The following TFB1M variants were observed in gnomAD, a reference collection of about 807,000 sequenced individuals.
The protein encoded by TFB1M is dimethyladenosine transferase 1, mitochondrial.
A neutral mutation model predicts 31.1 loss-of-function variants in TFB1M; 27 were observed. The ratio of observed to expected loss-of-function variants is 0.87; its 90% confidence interval spans 0.64 to 1.20. The LOEUF (loss-of-function observed/expected upper bound fraction) is 1.20, where lower values mean the gene tolerates loss of function less well. Among genes scored for constraint, TFB1M ranks in the 50% most tolerant of loss-of-function variants. The probability of loss-of-function intolerance (pLI) is 0.00; values close to 1 mark genes in which losing one functional copy is unlikely to be tolerated. For missense variants in TFB1M, 394 were observed against 418.7 expected (o/e 0.94, Z 0.51); for synonymous variants, 166 against 151.8 (o/e 1.09, Z -0.69).
chr6:155,256,901 G>C lies in TFB1M; in HGVS notation c.*935C>G. On this transcript the variant is annotated 3_prime_UTR_variant, in exon 7 of 7. Transcript: ENST00000367166. ...GGAGGAGAGCAGCCCAAACTGGTCC[G>C]GGGGCACTTCTGCCCCATTAAACGA... 2.5e-6 allele frequency: 4 copies of C among 1,614,152 alleles called. No homozygotes were observed. The highest frequency in any genetic ancestry group is 1.1e-5 in the South Asian group (1 of 91,076).
chr6:155,243,741 G>A, the TFB1M span, among the ~76,000 whole-genome samples: 1 of 150,970 alleles, frequency 6.6e-6, no homozygotes, highest in East Asian at 2.0e-4. Context: ...CAGCTATGTG[G>A]GAGGCTGAGG....
chr6:155,288,469 T>A, intron 4 of TFB1M, among the ~76,000 whole-genome samples: 1 of 152,166 alleles, frequency 6.6e-6, no homozygotes, highest in Non-Finnish European at 1.5e-5. Flanking sequence ...TAGTTCTTCA[T>A]AAAGTAAAAA....
chr6:155,275,953 G>A, intron 5 of TFB1M: 1 of 1,614,188 alleles, frequency 6.2e-7, no homozygotes, highest in Non-Finnish European at 8.5e-7. Flanking sequence ...TCCACGTGCA[G>A]GCTGCGAGAG....
chr6:155,256,825 C>G lies in TFB1M; in HGVS notation c.*1011G>C, dbSNP rs1283856992. On this transcript the variant is annotated 3_prime_UTR_variant, in exon 7 of 7. Transcript: ENST00000367166. ...GAGGATTTCCGAGGACCCAGACGTT[C>G]ACCCCGAGGCTGAGCAGCAGCCTGG... The G allele has an allele frequency of 6.2e-7, 1 of 1,614,016 alleles. No homozygotes were observed. The highest frequency in any genetic ancestry group is 1.3e-5 in the African/African-American group (1 of 74,900).
intron 2 of TFB1M, among the ~76,000 whole-genome samples, chr6:155,298,791 C>G (rs1159136904): frequency 1.3e-5 from 2 of 152,124 alleles, no homozygotes; most frequent in Non-Finnish European, 2.9e-5. Context: ...GGGATAGTAA[C>G]AGACAGTACA....
chr6:155,296,989 A>C lies in TFB1M; in HGVS notation c.510T>G (p.Thr170=). Residue 170 remains threonine (T), a synonymous_variant, in exon 4 of 7, where the codon ACT becomes ACG. Coordinates refer to ENST00000367166, the MANE Select transcript of TFB1M (RefSeq NM_016020.4). ...CCTTTTGAAAAGTCAAAGTCATCTG[A>C]GTTCTGCCATAAACAAAAGGTCCAT... ...CRDGPFVYGR[T]QMTLTFQKEV... 3.1e-6 allele frequency: 5 copies of C among 1,614,014 alleles called. No homozygotes were observed. Among genetic ancestry groups the C allele is most frequent in the Non-Finnish European group, 4.2e-6 (5 of 1,179,940 alleles).
the TFB1M span, among the ~76,000 whole-genome samples, chr6:155,242,446 T>C: frequency 1.2e-4 from 18 of 152,242 alleles, no homozygotes; most frequent in Admixed American, 2.6e-4. Context: ...CTCCCTTCTC[T>C]GAGCGGTCTG....
Position 155,256,524 on chromosome 6 carries a change from C to T in TFB1M, c.*1312G>A. 3.1e-6 allele frequency: 5 copies of T among 1,614,232 alleles called. No homozygotes were observed. Among genetic ancestry groups the T allele is most frequent in the Non-Finnish European group, 4.2e-6 (5 of 1,180,044 alleles). On this transcript the variant is annotated 3_prime_UTR_variant, in exon 7 of 7. Coordinates refer to ENST00000367166, the MANE Select transcript of TFB1M (RefSeq NM_016020.4). Reference sequence around the variant, plus strand: ...TAAAAGTCCTGAAGAATTCCTCCAGCAACGAGTGGACCGGTGAGACTGGCA... The same window carrying T: ...TAAAAGTCCTGAAGAATTCCTCCAGTAACGAGTGGACCGGTGAGACTGGCA...
chr6:155,244,891 C>CAATAAATAGTCAA, the TFB1M span: 1 of 1,315,306 alleles, frequency 7.6e-7, no homozygotes, highest in Non-Finnish European at 1.0e-6. Flanking sequence ...TGACTATTGA[C>CAATAAATAGTCAA]TATTTATTGT....
chr6:155,245,255 G>A, the TFB1M span, among the ~76,000 whole-genome samples: 1 of 152,196 alleles, frequency 6.6e-6, no homozygotes, highest in African/African-American at 2.4e-5. Context: ...CCTCCAAGGG[G>A]ACCTGGAACC....
At chr6:155,237,147 T>A in the TFB1M span, among the ~76,000 whole-genome samples, 1 of 152,216 alleles carries the variant, frequency 6.6e-6, no homozygotes, top group Non-Finnish European at 1.5e-5. Flanking sequence ...ATACAGCCAT[T>A]CCAAATGGGA....
In TFB1M at chr6:155,314,303, C is replaced by G; in HGVS notation, c.126G>C (p.Arg42Ser). Residue 42 changes from arginine to serine, a missense_variant, in exon 1 of 7, where the codon AGG becomes AGC. By Grantham distance (110) the Arg-to-Ser change is moderately radical. Coordinates refer to ENST00000367166, the MANE Select transcript of TFB1M (RefSeq NM_016020.4). The part of the protein sequence containing the change: ...QLSQNFLLDL[R>S]LTDKIVRKAG... ...CACTGCTAAGCCATCCACCTGTCAG[C>G]CTCAAGTCCAGGAGGAAATTCTGTG... The G allele has an allele frequency of 1.9e-6, 3 of 1,614,062 alleles. No homozygotes were observed. The highest frequency in any genetic ancestry group is 1.1e-5 in the South Asian group (1 of 91,030).
intron 5 of TFB1M, among the ~76,000 whole-genome samples, chr6:155,281,368 C>T (rs915355816): frequency 1.3e-5 from 2 of 152,200 alleles, no homozygotes; most frequent in African/African-American, 4.8e-5. Context: ...TTAAAAAGAA[C>T]CCGTTACAAC....
chr6:155,297,889 A>T (rs162971), intron 3 of TFB1M, among the ~76,000 whole-genome samples: 107,040 of 152,166 alleles, frequency 0.7, 38,059 homozygotes, highest in East Asian at 0.98. Flanking sequence ...GTGCGGCCCA[A>T]CTGAAGGAGT....
chr6:155,299,019 A>G (rs1777309882), intron 2 of TFB1M, among the ~76,000 whole-genome samples: 1 of 152,168 alleles, frequency 6.6e-6, no homozygotes, highest in Non-Finnish European at 1.5e-5. Context: ...TATATATACA[A>G]AGGATTCTAT....
chr6:155,294,107 G>A (rs1777054643), intron 4 of TFB1M, among the ~76,000 whole-genome samples: 1 of 152,108 alleles, frequency 6.6e-6, no homozygotes, highest in South Asian at 2.1e-4. Context: ...GGATCAACGA[G>A]GGCTGACTTG....
chr6:155,298,342 C>G (rs1404176825), intron 3 of TFB1M, 135 bp downstream of exon 3: 7 of 609,318 alleles, frequency 1.1e-5, no homozygotes, highest in African/African-American at 1.1e-4. Context: ...AATTATAATA[C>G]ACATTATTTA....
At chr6:155,274,196 A>G (rs916998188) in intron 5 of TFB1M, among the ~76,000 whole-genome samples, 1 of 152,254 alleles carries the variant, frequency 6.6e-6, no homozygotes, top group African/African-American at 2.4e-5. Context: ...GAATCACGAC[A>G]GAGCCACTTT....
intron 5 of TFB1M, among the ~76,000 whole-genome samples, chr6:155,269,360 C>T (rs1784823014): frequency 1.5e-5 from 2 of 131,676 alleles, no homozygotes; most frequent in Non-Finnish European, 3.1e-5. Context: ...CTCGCTCTGT[C>T]ACCCAGGCTG....
Sources: allele counts gnomAD v4.1 joint callset (sites outside exome capture counted in the v4.1 genomes callset), GRCh38; gene constraint gnomAD v4.1.1; transcripts MANE v1.5; gene names NCBI Gene and HGNC (gene_info 2026-07-23, HGNC 2026-07-21).